Variants in NGEF observed in about 807,000 individuals in gnomAD.
The protein encoded by NGEF is neuronal guanine nucleotide exchange factor.
NGEF carries 31 observed loss-of-function variants against 80.9 expected under a neutral mutation model. The observed-to-expected ratio is 0.38, with a 90% CI of 0.29 to 0.52. NGEF has a LOEUF of 0.52. Among genes scored for constraint, NGEF ranks in the 20% least tolerant of loss-of-function variants. The probability of loss-of-function intolerance (pLI) is 0.84; values close to 1 mark genes in which losing one functional copy is unlikely to be tolerated. For missense variants in NGEF, 709 were observed against 926.2 expected (o/e 0.77, Z 3.04); for synonymous variants, 371 against 370.2 (o/e 1.00, Z -0.03).
chr2:232,907,484 T>C (rs1692593657), intron 5 of NGEF, among the ~76,000 whole-genome samples: 1 of 152,182 alleles, frequency 6.6e-6, no homozygotes. Context: ...TTTGTGTCGG[T>C]TACCAGATAT....
chr2:232,984,041 T>A (rs1387985571), intron 1 of NGEF, among the ~76,000 whole-genome samples: 1 of 152,170 alleles, frequency 6.6e-6, no homozygotes, highest in African/African-American at 2.4e-5. Context: ...AAGTGGTATG[T>A]CAAATGTGAA....
intron 5 of NGEF, among the ~76,000 whole-genome samples, chr2:232,902,590 G>C (rs913053608): frequency 6.6e-6 from 1 of 152,210 alleles, no homozygotes; most frequent in African/African-American, 2.4e-5. Flanking sequence ...AAGATGACCT[G>C]TTAATAAAAT....
chr2:232,919,164 G>C (rs1417227861), intron 5 of NGEF, among the ~76,000 whole-genome samples: 3 of 152,176 alleles, frequency 2.0e-5, no homozygotes, highest in Non-Finnish European at 4.4e-5. Flanking sequence ...TGCTGGTCAG[G>C]AACAAGTCAC....
At chr2:232,923,478 G>C (rs1271086101) in intron 4 of NGEF, among the ~76,000 whole-genome samples, 1 of 152,138 alleles carries the variant, frequency 6.6e-6, no homozygotes, top group African/African-American at 2.4e-5. Context: ...GCTCACGCCT[G>C]TAATCCCAGC....
intron 5 of NGEF, among the ~76,000 whole-genome samples, chr2:232,912,285 G>A (rs560894000): frequency 6.6e-6 from 1 of 151,326 alleles, no homozygotes; most frequent in Non-Finnish European, 1.5e-5. Context: ...TTTTTTTCTT[G>A]TTTAGACTGT....
At chr2:232,938,356 A>T (rs904211243) in intron 3 of NGEF, among the ~76,000 whole-genome samples, 7 of 152,316 alleles carry the variant, frequency 4.6e-5, no homozygotes, top group Admixed American at 3.9e-4. Flanking sequence ...CATAGCCTTC[A>T]TGGAAACGAA....
intron 5 of NGEF, among the ~76,000 whole-genome samples, chr2:232,902,358 C>T (rs746925626): frequency 3.3e-5 from 5 of 152,194 alleles, no homozygotes; most frequent in Admixed American, 6.5e-5. Context: ...CCCGCTGCAG[C>T]GCAGTCTTTA....
chr2:232,992,807 CA>C (rs2106334841), intron 1 of NGEF, among the ~76,000 whole-genome samples: 1 of 151,474 alleles, frequency 6.6e-6, no homozygotes, highest in East Asian at 2.0e-4. Flanking sequence ...GGCAACATGG[CA>C]AAACCCCCTC....
At chr2:232,959,079 A>G (rs548062210) in intron 3 of NGEF, among the ~76,000 whole-genome samples, 4 of 152,172 alleles carry the variant, frequency 2.6e-5, no homozygotes, top group Non-Finnish European at 5.9e-5. Context: ...CCCCCTCCCC[A>G]CAGTGTGTTT....
At position 232,900,207 on chromosome 2, in the gene NGEF, CAT is replaced by C. The variant is rs1289902882; in HGVS notation, c.829-5293_829-5292del. 6.8e-5 allele frequency among the ~76,000 whole-genome samples: 10 copies of C among 146,836 alleles called. 1 individual carries two copies. Among genetic ancestry groups the C allele is most frequent in the East Asian group, 6.2e-4 (3 of 4,864 alleles). On this transcript the variant is annotated intron_variant, in intron 5 of 14. Coordinates refer to ENST00000264051, the MANE Select transcript of NGEF (RefSeq NM_019850.3). ...TCACACACACGCTCTCACAGTCACT[CAT>C]ATACACGTTCACTCACATTCACACA... is the stretch of plus-strand genomic sequence containing the variant.
chr2:232,891,509 G>A (rs375956494), intron 7 of NGEF, 22 bp from the exon 8 acceptor site: 84 of 1,608,154 alleles, frequency 5.2e-5, no homozygotes, highest in Non-Finnish European at 6.5e-5. Flanking sequence ...GACAGGTGGA[G>A]TAGGTCTCTG....
chr2:232,945,577 G>A (rs964377285), intron 3 of NGEF, among the ~76,000 whole-genome samples: 2 of 152,138 alleles, frequency 1.3e-5, no homozygotes, highest in Non-Finnish European at 2.9e-5. Flanking sequence ...GAGTGCCAAG[G>A]GTGCCAGCCA....
intron 4 of NGEF, among the ~76,000 whole-genome samples, chr2:232,925,054 G>A (rs55649298): frequency 0.16 from 24,981 of 152,210 alleles, 2,603 homozygotes; most frequent in Non-Finnish European, 0.22. Flanking sequence ...CAATAGATCA[G>A]GCTTTCCTAT....
intron 5 of NGEF, among the ~76,000 whole-genome samples, chr2:232,895,989 C>A (rs1050042304): frequency 6.6e-6 from 1 of 152,044 alleles, no homozygotes; most frequent in Non-Finnish European, 1.5e-5. Context: ...CCCGGCTCAC[C>A]TTCCTCCCTT....
Position 232,879,366 on chromosome 2 carries a change from G to T in NGEF, c.*123C>A. 1 of 976,354 alleles carries T rather than the reference G, an allele frequency of 1.0e-6. No homozygotes were observed. The highest frequency in any genetic ancestry group is 1.5e-6 in the Non-Finnish European group (1 of 659,400). 60.5% of individuals were successfully genotyped at this position (976,354 alleles called of 1,614,324 possible). A position where few individuals can be genotyped will look rare whatever the true frequency, so the allele number is the denominator to read the frequency against. ...CTGCGTGGGCAGGGATGAGGGCCGG[G>T]CACCCCAAGCCAGATCCTGCCACCT... On this transcript the variant is annotated 3_prime_UTR_variant, in exon 15 of 15. Coordinates refer to ENST00000264051, the MANE Select transcript of NGEF (RefSeq NM_019850.3).
At chr2:232,982,430 C>G (rs913672552) in intron 1 of NGEF, among the ~76,000 whole-genome samples, 13 of 152,178 alleles carry the variant, frequency 8.5e-5, no homozygotes, top group African/African-American at 3.1e-4. Context: ...TGGCTGATCC[C>G]AGATCACCTA....
chr2:233,002,902 G>A (rs543513931), intron 1 of NGEF, among the ~76,000 whole-genome samples: 2 of 152,190 alleles, frequency 1.3e-5, no homozygotes, highest in Non-Finnish European at 2.9e-5. Flanking sequence ...TGGGGCCCAG[G>A]CGTCACTGTG....
At chr2:232,964,061 CAG>C (rs539450206) in intron 3 of NGEF, among the ~76,000 whole-genome samples, 26 of 152,184 alleles carry the variant, frequency 1.7e-4, no homozygotes, top group Non-Finnish European at 3.5e-4. Flanking sequence ...TACAGTAAGA[CAG>C]ATACAATTAC....
chr2:232,902,326 C>T (rs763577178), intron 5 of NGEF, among the ~76,000 whole-genome samples: 1 of 152,206 alleles, frequency 6.6e-6, no homozygotes, highest in Non-Finnish European at 1.5e-5. Flanking sequence ...AGTCGGACTC[C>T]AGAGCCAGAG....
Sources: allele counts gnomAD v4.1 joint callset (sites outside exome capture counted in the v4.1 genomes callset), GRCh38; gene constraint gnomAD v4.1.1; transcripts MANE v1.5; gene names NCBI Gene and HGNC (gene_info 2026-07-23, HGNC 2026-07-21).